ENDOD1: variants seen among roughly 807,000 people sequenced by gnomAD.
The protein encoded by ENDOD1 is endonuclease domain-containing 1 protein.
In ENDOD1, 9 loss-of-function variants were observed where a neutral mutation model predicts 6.5. That is an observed-to-expected ratio of 1.39 (90% CI 0.84 to 2.43). The LOEUF is 2.43. Ranked by LOEUF, ENDOD1 falls within the 30% of genes most tolerant of loss-of-function variation. The probability of loss-of-function intolerance (pLI) is 0.00; values close to 1 mark genes in which losing one functional copy is unlikely to be tolerated. For synonymous variants in ENDOD1, 255 were observed against 255.2 expected (o/e 1.00, Z 0.01); for missense variants, 648 against 635.5 (o/e 1.02, Z -0.21).
intron 1 of ENDOD1, among the ~76,000 whole-genome samples, chr11:95,119,116 G>T (rs1859238716): frequency 6.6e-6 from 1 of 152,090 alleles, no homozygotes; most frequent in African/African-American, 2.4e-5. Flanking sequence ...CATCTATTTT[G>T]AATTTTGTCT....
At chr11:95,108,850 T>A (rs1351489091) in intron 1 of ENDOD1, among the ~76,000 whole-genome samples, 1 of 152,174 alleles carries the variant, frequency 6.6e-6, no homozygotes, top group African/African-American at 2.4e-5. Context: ...TTCATCCTAC[T>A]GTGTGTGACT....
At chr11:95,108,526 C>CACACACACACAG (rs1196456625) in intron 1 of ENDOD1, among the ~76,000 whole-genome samples, 1 of 141,030 alleles carries the variant, frequency 7.1e-6, no homozygotes, top group South Asian at 2.3e-4. Flanking sequence ...CACACACACA[C>CACACACACACAG]AGACACCCAA....
At chr11:95,114,515 T>A (rs1316074661) in intron 1 of ENDOD1, among the ~76,000 whole-genome samples, 1 of 152,220 alleles carries the variant, frequency 6.6e-6, no homozygotes, top group Non-Finnish European at 1.5e-5. Flanking sequence ...GTGATCCATT[T>A]GTCCATTTTT....
At chr11:95,126,885 C>T (rs1859317368) in intron 1 of ENDOD1, among the ~76,000 whole-genome samples, 1 of 152,074 alleles carries the variant, frequency 6.6e-6, no homozygotes, top group Non-Finnish European at 1.5e-5. Context: ...GGGGTTTCGC[C>T]ATGTTGCCCA....
At chr11:95,113,311 G>A (rs1555112138) in intron 1 of ENDOD1, among the ~76,000 whole-genome samples, 2 of 152,002 alleles carry the variant, frequency 1.3e-5, no homozygotes, top group African/African-American at 4.8e-5. Context: ...TCACCCTATT[G>A]TGCTATCAAA....
At chr11:95,122,621 C>G (rs1449762052) in intron 1 of ENDOD1, among the ~76,000 whole-genome samples, 5 of 151,454 alleles carry the variant, frequency 3.3e-5, no homozygotes, top group Non-Finnish European at 7.4e-5. Context: ...CACACACACA[C>G]ACAGACACTT....
intron 1 of ENDOD1, among the ~76,000 whole-genome samples, chr11:95,103,072 AGAGGAAGCT>A (rs1802609256): frequency 1.3e-5 from 2 of 151,320 alleles, no homozygotes; most frequent in Admixed American, 1.3e-4. Flanking sequence ...CCACAGTTAA[AGAGGAAGCT>A]AAGGAACTAG....
At chr11:95,121,474 T>A (rs1859261504) in intron 1 of ENDOD1, among the ~76,000 whole-genome samples, 1 of 152,232 alleles carries the variant, frequency 6.6e-6, no homozygotes, top group Non-Finnish European at 1.5e-5. Context: ...ATTTTCAGTT[T>A]CAATGCCTCC....
At chr11:95,103,623 G>C (rs782765503) in intron 1 of ENDOD1, among the ~76,000 whole-genome samples, 17 of 152,196 alleles carry the variant, frequency 1.1e-4, no homozygotes, top group Non-Finnish European at 2.2e-4. Context: ...TAAGGGGCAA[G>C]GATTAAACAT....
chr11:95,114,802 G>A (rs1042239224), intron 1 of ENDOD1, among the ~76,000 whole-genome samples: 1 of 152,168 alleles, frequency 6.6e-6, no homozygotes, highest in East Asian at 1.9e-4. Context: ...TGAGTTCACT[G>A]TAGGCGTGTG....
chr11:95,131,667 A>G lies in ENDOD1; in HGVS notation c.*2088A>G, dbSNP rs564069899. 2 of 152,354 alleles carry G rather than the reference A, an allele frequency of 1.3e-5. No individual in the cohort carries two copies. The highest frequency in any genetic ancestry group is 2.4e-5 in the African/African-American group (1 of 41,586). The allele number at this position is 152,354 out of a possible 1,614,324, so 9.4% of individuals were successfully genotyped here. On this transcript the variant is annotated 3_prime_UTR_variant, in exon 2 of 2. Coordinates refer to ENST00000278505, the MANE Select transcript of ENDOD1 (RefSeq NM_015036.3). ...GCATGTGTGATGAAAACAATTAGCC[A>G]TCCATGTACAACATTATGCTTACTG...
chr11:95,117,006 C>A (rs1440933129), intron 1 of ENDOD1, among the ~76,000 whole-genome samples: 1 of 152,198 alleles, frequency 6.6e-6, no homozygotes, highest in Admixed American at 6.5e-5. Flanking sequence ...TATGATGTTT[C>A]TTTGTCTTTG....
chr11:95,125,524 T>C (rs1859302898), intron 1 of ENDOD1, among the ~76,000 whole-genome samples: 1 of 152,100 alleles, frequency 6.6e-6, no homozygotes, highest in African/African-American at 2.4e-5. Context: ...ACATGTGCCA[T>C]GTTGGTGTGC....
In ENDOD1 at chr11:95,128,543, C is replaced by G. The variant is rs753548277; in HGVS notation, c.467C>G (p.Ala156Gly). The G allele has an allele frequency of 1.9e-6, 3 of 1,614,214 alleles. No homozygotes were observed. In the South Asian group the frequency reaches 3.3e-5, roughly 18 times the overall value. The part of the protein sequence containing the change: ...PFSLSSDVQV[A>G]TFTLTNSAPM... ...TCCCTTAGCAGTGATGTCCAGGTGG[C>G]CACATTTACTCTCACAAATTCAGCC... The change falls in exon 2 of 2, where the codon GCC becomes GGC. Residue 156 changes from alanine to glycine, a missense_variant. Ala to Gly is a moderately conservative substitution (Grantham distance 60). Transcript: ENST00000278505.
At chr11:95,094,383 G>A (rs887726653) in intron 1 of ENDOD1, among the ~76,000 whole-genome samples, 2 of 152,008 alleles carry the variant, frequency 1.3e-5, no homozygotes, top group African/African-American at 4.8e-5. Flanking sequence ...TGCGCTAATG[G>A]TCTTAGGACT....
At chr11:95,110,069 C>T (rs977232775) in intron 1 of ENDOD1, among the ~76,000 whole-genome samples, 1 of 152,350 alleles carries the variant, frequency 6.6e-6, no homozygotes, top group East Asian at 1.9e-4. Flanking sequence ...ATCCATGGGG[C>T]CTTTCTTTTC....
At chr11:95,120,743 G>A (rs1223012732) in intron 1 of ENDOD1, among the ~76,000 whole-genome samples, 1 of 152,118 alleles carries the variant, frequency 6.6e-6, no homozygotes, top group South Asian at 2.1e-4. Context: ...GACTCACCTA[G>A]GAGTTGCAGT....
intron 1 of ENDOD1, among the ~76,000 whole-genome samples, chr11:95,090,483 C>T (rs1858919815): frequency 6.6e-6 from 1 of 152,178 alleles, no homozygotes; most frequent in Admixed American, 6.5e-5. Context: ...CGGGAGGTCC[C>T]CTGTGGGAGG....
At position 95,089,885 on chromosome 11, in the gene ENDOD1, G is replaced by A; in HGVS notation, c.-43G>A. On this transcript the variant is annotated 5_prime_UTR_variant, in exon 1 of 2. Coordinates refer to ENST00000278505, the MANE Select transcript of ENDOD1 (RefSeq NM_015036.3). Reference sequence around the variant, plus strand: ...GCCCAGCCTGCAGAGCTCGCGCCGCGGCAGCCCAGCCGCTCGGCCCCGCCG... The same window carrying A: ...GCCCAGCCTGCAGAGCTCGCGCCGCAGCAGCCCAGCCGCTCGGCCCCGCCG... The A allele has an allele frequency of 1.5e-6, 2 of 1,294,426 alleles. No individual in the cohort carries two copies. The highest frequency in any genetic ancestry group is 2.0e-6 in the Non-Finnish European group (2 of 1,018,652). 80.2% of individuals were successfully genotyped at this position (1,294,426 alleles called of 1,614,324 possible).
Sources: gnomAD v4.1 joint callset for allele counts (sites outside exome capture counted in the v4.1 genomes callset) on GRCh38, gnomAD v4.1.1 for gene constraint, MANE v1.5 for transcripts, NCBI Gene and HGNC (gene_info 2026-07-23, HGNC 2026-07-21) for gene names.